Variants in HMGCLL1 observed in about 807,000 individuals in gnomAD.
HMGCLL1 encodes the protein 3-hydroxy-3-methylglutaryl-CoA lyase like 1, also known as 3-hydroxymethyl-3-methylglutaryl-CoA lyase, cytoplasmic.
Under a neutral mutation model 39.1 loss-of-function variants are expected in HMGCLL1, and 36 were observed. The observed-to-expected ratio is 0.92, with a 90% CI of 0.71 to 1.22. The LOEUF (loss-of-function observed/expected upper bound fraction) is 1.22, where lower values mean the gene tolerates loss of function less well. HMGCLL1 is among the 50% of genes most tolerant of loss of function. The probability of loss-of-function intolerance (pLI) is 0.00; values close to 1 mark genes in which losing one functional copy is unlikely to be tolerated. For synonymous variants in HMGCLL1, 149 were observed against 144.0 expected (o/e 1.03, Z -0.25); for missense variants, 451 against 416.5 (o/e 1.08, Z -0.72).
chr6:55,650,090 C>CATAT, the HMGCLL1 span, among the ~76,000 whole-genome samples: 669 of 52,080 alleles, frequency 0.013, 12 homozygotes, highest in Non-Finnish European at 0.015. Context: ...CACACATATA[C>CATAT]ATATATATAT....
intron 5 of HMGCLL1, among the ~76,000 whole-genome samples, chr6:55,506,119 A>G (rs913342607): frequency 2.6e-5 from 4 of 151,734 alleles, no homozygotes; most frequent in Admixed American, 6.6e-5. Flanking sequence ...GCTGTTTACA[A>G]TGAGAAAGCT....
intron 1 of HMGCLL1, among the ~76,000 whole-genome samples, chr6:55,570,794 G>A (rs73453225): frequency 0.012 from 1,818 of 152,268 alleles, 48 homozygotes; most frequent in African/African-American, 0.042. Context: ...ATTAGTCCAT[G>A]TTCACGCTGC....
the HMGCLL1 span, among the ~76,000 whole-genome samples, chr6:55,632,015 A>G: frequency 6.6e-6 from 1 of 152,070 alleles, no homozygotes; most frequent in Non-Finnish European, 1.5e-5. Flanking sequence ...TTTGCAAAGT[A>G]TTAAGGTTTT....
intron 3 of HMGCLL1, among the ~76,000 whole-genome samples, chr6:55,518,207 T>C (rs1287756359): frequency 6.6e-6 from 1 of 152,064 alleles, no homozygotes; most frequent in Non-Finnish European, 1.5e-5. Flanking sequence ...TAGTTAGTAG[T>C]ATAGTTGGGG....
chr6:55,647,220 C>T, the HMGCLL1 span, among the ~76,000 whole-genome samples: 1 of 151,764 alleles, frequency 6.6e-6, no homozygotes, highest in African/African-American at 2.4e-5. Flanking sequence ...TATACTTAAT[C>T]CTGCCCTTTT....
At chr6:55,645,739 G>A in the HMGCLL1 span, among the ~76,000 whole-genome samples, 2 of 151,832 alleles carry the variant, frequency 1.3e-5, no homozygotes, top group Admixed American at 6.6e-5. Context: ...GCATCCTTGG[G>A]ATAAATCCCA....
the HMGCLL1 span, among the ~76,000 whole-genome samples, chr6:55,586,938 AT>A: frequency 1.3e-5 from 2 of 152,078 alleles, no homozygotes; most frequent in African/African-American, 2.4e-5. Flanking sequence ...GTCAAACGGT[AT>A]TTCTAGTTCT....
chr6:55,523,030 T>C (rs1768115511), intron 3 of HMGCLL1, among the ~76,000 whole-genome samples: 1 of 151,960 alleles, frequency 6.6e-6, no homozygotes, highest in African/African-American at 2.4e-5. Flanking sequence ...CTTGACCACC[T>C]CTCTTAGAAC....
At position 55,543,163 on chromosome 6, in the gene HMGCLL1, A is replaced by C. The variant is rs1266450910; in HGVS notation, c.109-1023T>G. 3.1e-4 allele frequency among the ~76,000 whole-genome samples: 2 copies of C among 6,444 alleles called. 1 individual carries two copies. The highest frequency in any genetic ancestry group is 6.6e-4 in the African/African-American group (2 of 3,028). 4.2% of individuals were successfully genotyped at this position (6,444 alleles called of 152,430 possible). On this transcript the variant is annotated intron_variant, in intron 1 of 8. Transcript: ENST00000274901. ...ATATTATATATTATATATATTATAT[A>C]TATAATATATAATATATAATATATA...
intron 3 of HMGCLL1, among the ~76,000 whole-genome samples, chr6:55,523,356 G>T (rs1768133204): frequency 6.6e-6 from 1 of 151,958 alleles, no homozygotes; most frequent in African/African-American, 2.4e-5. Context: ...GATTTGAAAG[G>T]TAAGCTTTAC....
At chr6:55,535,752 A>G (rs962958069) in intron 3 of HMGCLL1, among the ~76,000 whole-genome samples, 7 of 152,146 alleles carry the variant, frequency 4.6e-5, no homozygotes, top group African/African-American at 1.7e-4. Flanking sequence ...TCTGGATAAT[A>G]ATGGATGAGT....
At chr6:55,485,720 T>C (rs1765990283) in intron 7 of HMGCLL1, among the ~76,000 whole-genome samples, 1 of 151,894 alleles carries the variant, frequency 6.6e-6, no homozygotes, top group African/African-American at 2.4e-5. Flanking sequence ...ACGAAACAAA[T>C]GCAAATAGAA....
chr6:55,483,556 C>T (rs1489253792), intron 7 of HMGCLL1, among the ~76,000 whole-genome samples: 1 of 152,118 alleles, frequency 6.6e-6, no homozygotes, highest in African/African-American at 2.4e-5. Context: ...AGCCACCACA[C>T]CCAGCCAAGA....
the HMGCLL1 span, among the ~76,000 whole-genome samples, chr6:55,656,601 G>A: frequency 1.3e-5 from 2 of 151,924 alleles, no homozygotes; most frequent in African/African-American, 2.4e-5. Flanking sequence ...TCTCTGTAGG[G>A]TAGTGGAGCC....
At chr6:55,509,411 C>T (rs1348004881) in intron 5 of HMGCLL1, among the ~76,000 whole-genome samples, 2 of 151,824 alleles carry the variant, frequency 1.3e-5, no homozygotes, top group Non-Finnish European at 2.9e-5. Context: ...CTCATTATCT[C>T]ACTCAACAAG....
At position 55,542,875 on chromosome 6, in the gene HMGCLL1, A is replaced by G. The variant is rs562858679; in HGVS notation, c.109-735T>C. Among the ~76,000 whole-genome samples the G allele has an allele frequency of 5.2e-5, 7 of 135,558 alleles. No individual in the cohort carries two copies. In the East Asian group the frequency reaches 1.5e-3, roughly 28 times the overall value. 88.9% of individuals were successfully genotyped at this position (135,558 alleles called of 152,430 possible). On this transcript the variant is annotated intron_variant, in intron 1 of 8. Transcript: ENST00000274901. The stretch of plus-strand genomic sequence containing the variant: ...TATATATATATTTATATATTTTTAT[A>G]TTTTTATATATTTATATATTTAGAT...
Position 55,476,618 on chromosome 6 carries a change from A to G in HMGCLL1, c.795+18801T>C, listed in dbSNP as rs1765297836. ...CTAAGTGTGTCAAATAATTTTCTACATCATTTGAGATAATCACAAGATTTT... is the reference window on the plus strand; with the variant it reads ...CTAAGTGTGTCAAATAATTTTCTACGTCATTTGAGATAATCACAAGATTTT... On this transcript the variant is annotated intron_variant, in intron 7 of 8. Coordinates refer to ENST00000274901, the MANE Select transcript of HMGCLL1 (RefSeq NM_001042406.2). Among the ~76,000 whole-genome samples the G allele has an allele frequency of 1.3e-5, 2 of 151,784 alleles. 1 individual carries two copies. The highest frequency in any genetic ancestry group is 4.1e-4 in the South Asian group (2 of 4,826).
the HMGCLL1 span, among the ~76,000 whole-genome samples, chr6:55,665,275 T>C: frequency 6.6e-6 from 1 of 151,824 alleles, no homozygotes; most frequent in South Asian, 2.1e-4. Context: ...ACAAGTGTAT[T>C]TTAAAGTAGA....
rs1228675470 is a variant in HMGCLL1, at chr6:55,435,883, G to T, written c.922-120C>A. 6.3e-6 allele frequency: 3 copies of T among 476,558 alleles called. No homozygotes were observed. In the East Asian group the frequency reaches 1.0e-4, roughly 16 times the overall value. 29.5% of individuals were successfully genotyped at this position (476,558 alleles called of 1,614,324 possible). A position where few individuals can be genotyped will look rare whatever the true frequency, so the allele number is the denominator to read the frequency against. On this transcript the variant is annotated intron_variant, in intron 8 of 8. Transcript: ENST00000274901. ...CCATTTAAAATTACTAAACAAAGTG[G>T]TGTTGGTCATTATCAATTTTGGGGC...
Sources: allele counts gnomAD v4.1 joint callset (sites outside exome capture counted in the v4.1 genomes callset), GRCh38; gene constraint gnomAD v4.1.1; transcripts MANE v1.5; gene names NCBI Gene and HGNC (gene_info 2026-07-23, HGNC 2026-07-21).